The following RRP12 variants were observed in gnomAD, a reference collection of about 807,000 sequenced individuals.
RRP12 encodes the protein ribosomal RNA processing 12 homolog.
Under a neutral mutation model 157.3 loss-of-function variants are expected in RRP12, and 78 were observed. The observed-to-expected ratio is 0.50, with a 90% CI of 0.41 to 0.60. The LOEUF (loss-of-function observed/expected upper bound fraction) is 0.60, where lower values mean the gene tolerates loss of function less well. RRP12 is among the 20% of genes least tolerant of loss of function. The pLI is 0.00. For missense variants in RRP12, 1,521 were observed against 1,679.9 expected (o/e 0.91, Z 1.65); for synonymous variants, 726 against 670.9 (o/e 1.08, Z -1.27).
chr10:97,385,366 G>A, intron 9 of RRP12, 109 bp from the exon 10 acceptor site: 1 of 865,856 alleles, frequency 1.2e-6, no homozygotes, highest in Non-Finnish European at 1.9e-6. Context: ...CAGTGCTTGT[G>A]ACCCTAGCAC....
At chr10:97,394,757 G>A (rs917859767) in intron 3 of RRP12, among the ~76,000 whole-genome samples, 4 of 152,138 alleles carry the variant, frequency 2.6e-5, no homozygotes, top group African/African-American at 4.8e-5. Flanking sequence ...CTTTTTCTAC[G>A]AAGGACCAGA....
rs1844445855 is a variant in RRP12 at position 97,380,845 on chromosome 10, A to G, written c.1487T>C (p.Val496Ala). ...AWSSVLQLLC[V>A]FFEACGRQAH... is the part of the protein sequence containing the mutation. Reference sequence around the variant, plus strand: ...CTGTCTCCCACACGCCTCGAAGAAGACACACAGCAGCTGCAACACGGAGCT... The same window carrying G: ...CTGTCTCCCACACGCCTCGAAGAAGGCACACAGCAGCTGCAACACGGAGCT... The change falls in exon 13 of 34, where the codon GTC (valine) becomes GCC (alanine). Residue 496 changes from valine (V) to alanine (A), a missense_variant. Physicochemically the swap from Val to Ala is moderately conservative, Grantham distance 64. Coordinates refer to ENST00000370992, the MANE Select transcript of RRP12 (RefSeq NM_015179.4). 4 of 1,614,162 alleles carry G rather than the reference A, an allele frequency of 2.5e-6. No individual in the cohort carries two copies. The East Asian group carries it at 6.7e-5, about 27-fold the overall frequency.
In RRP12 at chr10:97,379,685, G is replaced by T. The variant is rs1335315011; in HGVS notation, c.1619C>A (p.Thr540Asn). The change falls in exon 14 of 34, where the codon ACC becomes AAC. Residue 540 changes from threonine to asparagine, a missense_variant. Physicochemically the swap from Thr to Asn is moderately conservative, Grantham distance 65. Transcript: ENST00000370992. ...CAGCACCACCTCAGGTCCCATACTG[G>T]TCACCGCAGCCCCCACTGCCTGGTC... ...ALDQAVGAAV[T>N]SMGPEVVLQA... is the part of the protein sequence containing the mutation. 3 of 1,613,936 alleles carry T rather than the reference G, an allele frequency of 1.9e-6. No homozygotes were observed.
At chr10:97,366,980 T>C in intron 26 of RRP12, 61 bp downstream of exon 26, 2 of 1,610,466 alleles carry the variant, frequency 1.2e-6, no homozygotes, top group Non-Finnish European at 8.5e-7. Context: ...GTGTCCCTGG[T>C]AGGACTGGAA....
intron 15 of RRP12, among the ~76,000 whole-genome samples, chr10:97,376,911 G>A (rs1050080882): frequency 3.4e-5 from 5 of 146,400 alleles, no homozygotes; most frequent in African/African-American, 1.3e-4. Flanking sequence ...ACAGAGTCTC[G>A]CTGTGTTGCC....
intron 9 of RRP12, 75 bp downstream of exon 9, chr10:97,385,820 G>T: frequency 1.8e-6 from 2 of 1,086,074 alleles, no homozygotes; most frequent in Non-Finnish European, 1.4e-6. Context: ...AAGGCGCAGG[G>T]CCAGTGCCCC....
chr10:97,380,320 C>T (rs778091880), intron 13 of RRP12, among the ~76,000 whole-genome samples: 35 of 152,122 alleles, frequency 2.3e-4, no homozygotes, highest in Admixed American at 1.3e-4. Flanking sequence ...TCTGCTGATG[C>T]GGGACCAGTC....
chr10:97,383,240 G>A (rs1844520352), intron 10 of RRP12, among the ~76,000 whole-genome samples: 1 of 152,212 alleles, frequency 6.6e-6, no homozygotes, highest in African/African-American at 2.4e-5. Context: ...ATGAGAAGTG[G>A]TGAATGGGGT....
chr10:97,363,179 G>A (rs954149), intron 30 of RRP12, among the ~76,000 whole-genome samples: 59,414 of 152,012 alleles, frequency 0.39, 12,311 homozygotes, highest in African/African-American at 0.54. Flanking sequence ...GTCTGGAAGG[G>A]CAGAGAGGGA....
chr10:97,366,015 C>A (rs1843965735), intron 29 of RRP12, 93 bp downstream of exon 29: 2 of 1,539,448 alleles, frequency 1.3e-6, no homozygotes, highest in African/African-American at 2.7e-5. Context: ...AGAAGAGTTT[C>A]TCTGGTCTGT....
rs761142388 is a variant in RRP12 at position 97,385,244 on chromosome 10, T to C, written c.1130A>G (p.Tyr377Cys). The change falls in exon 10 of 34, where the codon TAT becomes TGT. Residue 377 changes from tyrosine (Y) to cysteine (C), a missense_variant. By Grantham distance (194) the Tyr-to-Cys change is radical. Transcript: ENST00000370992. ...TTGTAAATCATTCTCACTGGGAACA[T>C]AGTCGTACAGGGCCTAAAAGTGGGA... ...NAQIITALYD[Y>C]VPSENDLQPL... 92 of 1,613,652 alleles carry C rather than the reference T, an allele frequency of 5.7e-5. No individual in the cohort carries two copies. Among genetic ancestry groups the C allele is most frequent in the East Asian group, 6.7e-5 (3 of 44,896 alleles).
chr10:97,360,574 C>A lies in RRP12; in HGVS notation c.3612G>T (p.Glu1204Asp), dbSNP rs775585736. Residue 1204 changes from glutamate (E) to aspartate (D), a missense_variant, in exon 31 of 34, where the codon GAG becomes GAT. By Grantham distance (45) the Glu-to-Asp change is conservative. Transcript: ENST00000370992. ...KLKHQKEAEE[E>D]ELEIPPQYQA... ...GGTACTGAGGGGGTATCTCCAGCTC[C>A]TCCTCCTCAGCCTCTTTCTGGTGCT... 7 of 1,613,998 alleles carry A rather than the reference C, an allele frequency of 4.3e-6. No individual in the cohort carries two copies. The highest frequency in any genetic ancestry group is 5.9e-6 in the Non-Finnish European group (7 of 1,179,878).
At chr10:97,385,060 T>C (rs74332423) in intron 10 of RRP12, 106 bp downstream of exon 10, 2 of 466,122 alleles carry the variant, frequency 4.3e-6, no homozygotes, top group African/African-American at 3.4e-5. Context: ...GCAGCCAGGA[T>C]GAAGGCCCTG....
chr10:97,401,298 G>A lies in RRP12; in HGVS notation c.-67C>T. On this transcript the variant is annotated 5_prime_UTR_variant, in exon 1 of 34. Coordinates refer to ENST00000370992, the MANE Select transcript of RRP12 (RefSeq NM_015179.4). ...TTCCAGGGACGTAGAAACACGCTCA[G>A]AACCCACGTGGATACCCTGTAGCCT... The A allele has an allele frequency of 1.9e-6, 3 of 1,594,934 alleles. No homozygotes were observed. The highest frequency in any genetic ancestry group is 2.2e-5 in the East Asian group (1 of 44,702).
chr10:97,379,575 G>T, intron 14 of RRP12, 53 bp downstream of exon 14: 1 of 1,604,932 alleles, frequency 6.2e-7, no homozygotes, highest in South Asian at 1.1e-5. Context: ...ATCCTTTCCA[G>T]GGGAGAGAAC....
At chr10:97,373,958 C>T in intron 15 of RRP12, 64 bp from the exon 16 acceptor site, 1 of 1,400,736 alleles carries the variant, frequency 7.1e-7, no homozygotes, top group Non-Finnish European at 9.9e-7. Context: ...CCTTATTTAC[C>T]AAACCAAACC....
chr10:97,376,967 C>G (rs1198804606), intron 15 of RRP12, among the ~76,000 whole-genome samples: 1 of 151,462 alleles, frequency 6.6e-6, no homozygotes, highest in African/African-American at 2.4e-5. Context: ...GCAACCTCCG[C>G]CCCCCAGAGT....
At chr10:97,358,504 C>T (rs1237537789) in intron 33 of RRP12, 33 bp downstream of exon 33, 1 of 1,556,712 alleles carries the variant, frequency 6.4e-7, no homozygotes, top group South Asian at 1.1e-5. Flanking sequence ...CACCCATCCT[C>T]CAGCCCCCAG....
intron 29 of RRP12, 104 bp downstream of exon 29, chr10:97,366,004 G>C: frequency 6.8e-7 from 1 of 1,466,892 alleles, no homozygotes; most frequent in Non-Finnish European, 9.3e-7. Context: ...AAGCTGCCGA[G>C]AGAAGAGTTT....
Sources: allele counts gnomAD v4.1 joint callset (sites outside exome capture counted in the v4.1 genomes callset), GRCh38; gene constraint gnomAD v4.1.1; transcripts MANE v1.5; gene names NCBI Gene and HGNC (gene_info 2026-07-23, HGNC 2026-07-21).